DRAM1: variants seen among roughly 807,000 people sequenced by gnomAD.
The protein encoded by DRAM1 is DNA damage-regulated autophagy modulator protein 1.
In DRAM1, 25 loss-of-function variants were observed where a neutral mutation model predicts 28.5. The observed-to-expected ratio is 0.88, with a 90% CI of 0.64 to 1.23. The LOEUF is 1.23. DRAM1 is among the 50% of genes most tolerant of loss of function. The probability of loss-of-function intolerance (pLI) is 0.00; values close to 1 mark genes in which losing one functional copy is unlikely to be tolerated. For missense variants in DRAM1, 249 were observed against 299.2 expected (o/e 0.83, Z 1.24); for synonymous variants, 113 against 114.2 (o/e 0.99, Z 0.07).
At chr12:101,906,091 G>T (rs553591531) in intron 3 of DRAM1, among the ~76,000 whole-genome samples, 45 of 152,262 alleles carry the variant, frequency 3.0e-4, no homozygotes, top group African/African-American at 9.6e-4. Context: ...CCTGGCCCAT[G>T]CAAGGTATCT....
At chr12:101,890,749 A>AT (rs10616632) in intron 1 of DRAM1, among the ~76,000 whole-genome samples, 65 of 135,724 alleles carry the variant, frequency 4.8e-4, no homozygotes, top group South Asian at 9.2e-4. Flanking sequence ...CCGCCATTCT[A>AT]TTTTTTTTTT....
At chr12:101,897,817 G>A (rs1873443169) in intron 1 of DRAM1, 46 bp from the exon 2 acceptor site, 1 of 1,411,088 alleles carries the variant, frequency 7.1e-7, no homozygotes, top group Non-Finnish European at 1.0e-6. Context: ...CAGAGGTCTG[G>A]ACAGAATTTC....
At chr12:101,920,277 A>G in intron 6 of DRAM1, 76 bp downstream of exon 6, 1 of 962,294 alleles carries the variant, frequency 1.0e-6, no homozygotes. Context: ...GACATTTTGC[A>G]TTTTTAAAAA....
rs1872536531 is a variant in DRAM1, at chr12:101,877,732, G to A, written c.-58G>A. On this transcript the variant is annotated 5_prime_UTR_variant, in exon 1 of 7. Coordinates refer to ENST00000258534, the MANE Select transcript of DRAM1 (RefSeq NM_018370.3). The surrounding 1 kb of genome is among the most constrained non-coding windows in gnomAD (Gnocchi z 4.1). ...GGCCGCCGCCTCCAGGCAGCCCGGAGCAACCCGGCGCCCGGCCCCGCTGGG... is the reference window on the plus strand; with the variant it reads ...GGCCGCCGCCTCCAGGCAGCCCGGAACAACCCGGCGCCCGGCCCCGCTGGG... 7.5e-7 allele frequency: 1 copy of A among 1,336,302 alleles called. No homozygotes were observed. Among genetic ancestry groups the A allele is most frequent in the Middle Eastern group, 2.6e-4 (1 of 3,908 alleles). 82.8% of individuals were successfully genotyped at this position (1,336,302 alleles called of 1,614,324 possible).
intron 1 of DRAM1, among the ~76,000 whole-genome samples, chr12:101,884,369 C>CAAAAAA (rs777858309): frequency 1.3e-5 from 1 of 78,064 alleles, no homozygotes; most frequent in African/African-American, 4.9e-5. Flanking sequence ...TACCCTGTCT[C>CAAAAAA]AAAAAAAAAA....
chr12:101,887,710 GT>G (rs1272567713), intron 1 of DRAM1, among the ~76,000 whole-genome samples: 1 of 151,614 alleles, frequency 6.6e-6, no homozygotes, highest in African/African-American at 2.4e-5. Flanking sequence ...TTTTGTTTTT[GT>G]TTTTTTAGTA....
chr12:101,894,625 A>C (rs761875655), intron 1 of DRAM1, among the ~76,000 whole-genome samples: 2 of 152,100 alleles, frequency 1.3e-5, no homozygotes, highest in Non-Finnish European at 2.9e-5. Flanking sequence ...TTTTCAGATC[A>C]CGTGTTTGAT....
chr12:101,903,436 G>A (rs1303887221), intron 3 of DRAM1, among the ~76,000 whole-genome samples: 1 of 152,008 alleles, frequency 6.6e-6, no homozygotes, highest in East Asian at 1.9e-4. Context: ...AGTCACAGAG[G>A]GACAAATACC....
At chr12:101,908,478 C>A (rs145300358) in intron 4 of DRAM1, 115 bp downstream of exon 4, 27 of 1,094,302 alleles carry the variant, frequency 2.5e-5, no homozygotes, top group South Asian at 1.4e-4. Flanking sequence ...GACAGCAGGG[C>A]GGAGAGATTG....
chr12:101,904,471 T>TCGC (rs2121112115), intron 3 of DRAM1, among the ~76,000 whole-genome samples: 1 of 119,178 alleles, frequency 8.4e-6, no homozygotes, highest in East Asian at 2.9e-4. Flanking sequence ...AGACAGAGTC[T>TCGC]TGCTCTGTCA....
In DRAM1 at chr12:101,888,696, A is replaced by AT. The variant is rs561454986; in HGVS notation, c.132-9162dup. Among the ~76,000 whole-genome samples, 8 of 147,602 alleles carry AT rather than the reference A, an allele frequency of 5.4e-5. No individual in the cohort carries two copies. The East Asian group carries it at 1.6e-3, about 29-fold the overall frequency. The stretch of plus-strand genomic sequence containing the variant: ...CAGTGAATTAAGTAAAATTATGAAT[A>AT]TTTTTCTTCTATTTTTCCTTTTAAA... On this transcript the variant is annotated intron_variant, in intron 1 of 6. Transcript: ENST00000258534.
intron 3 of DRAM1, 30 bp downstream of exon 3, chr12:101,901,463 GA>G (rs1873603302): frequency 1.9e-6 from 3 of 1,610,754 alleles, no homozygotes; most frequent in Non-Finnish European, 1.7e-6. Flanking sequence ...CAGTTATGAG[GA>G]GTGGTGGAGT....
chr12:101,899,989 T>C (rs1252894749), intron 2 of DRAM1, among the ~76,000 whole-genome samples: 3 of 152,240 alleles, frequency 2.0e-5, no homozygotes, highest in East Asian at 3.8e-4. Context: ...AAAGGGAATA[T>C]GTATCTAAAA....
At chr12:101,918,651 C>G (rs961157389) in intron 5 of DRAM1, among the ~76,000 whole-genome samples, 15 of 152,224 alleles carry the variant, frequency 9.9e-5, no homozygotes, top group Non-Finnish European at 2.1e-4. Flanking sequence ...CATTTACTTA[C>G]CCTTGTAGCC....
chr12:101,921,335 T>A lies in DRAM1; in HGVS notation c.*75T>A. The stretch of plus-strand genomic sequence containing the variant: ...AAGTGCTACAGAGGACAGACAGGGT[T>A]TTGAGGCCACCCTGATTATTGGGAT... On this transcript the variant is annotated 3_prime_UTR_variant, in exon 7 of 7. Coordinates refer to ENST00000258534, the MANE Select transcript of DRAM1 (RefSeq NM_018370.3). The A allele has an allele frequency of 8.3e-7, 1 of 1,203,044 alleles. No individual in the cohort carries two copies. The highest frequency in any genetic ancestry group is 1.2e-6 in the Non-Finnish European group (1 of 807,988). 74.5% of individuals were successfully genotyped at this position (1,203,044 alleles called of 1,614,324 possible). A position where few individuals can be genotyped will look rare whatever the true frequency, so the allele number is the denominator to read the frequency against.
At chr12:101,893,103 T>A (rs1873201219) in intron 1 of DRAM1, among the ~76,000 whole-genome samples, 1 of 152,222 alleles carries the variant, frequency 6.6e-6, no homozygotes, top group Non-Finnish European at 1.5e-5. Flanking sequence ...AGAAAGGTTT[T>A]ACAATTATAG....
At chr12:101,886,292 T>C (rs1254032850) in intron 1 of DRAM1, among the ~76,000 whole-genome samples, 1 of 152,176 alleles carries the variant, frequency 6.6e-6, no homozygotes, top group Non-Finnish European at 1.5e-5. Flanking sequence ...ATGGCTCCAT[T>C]ATGTGTTCCA....
At chr12:101,891,056 C>G (rs1327925511) in intron 1 of DRAM1, among the ~76,000 whole-genome samples, 1 of 151,854 alleles carries the variant, frequency 6.6e-6, no homozygotes, top group Admixed American at 6.6e-5. Context: ...GCCTGCCCCC[C>G]ACATTCTAAA....
chr12:101,903,736 C>T (rs893426354), intron 3 of DRAM1, among the ~76,000 whole-genome samples: 2 of 151,944 alleles, frequency 1.3e-5, no homozygotes, highest in Non-Finnish European at 1.5e-5. Flanking sequence ...TGTTAATTAC[C>T]TTGATTTAAT....
Sources: gnomAD v4.1 joint callset for allele counts (sites outside exome capture counted in the v4.1 genomes callset) on GRCh38, gnomAD v4.1.1 for gene constraint, Gnocchi (gnomAD v3.1) non-coding constraint, MANE v1.5 for transcripts, NCBI Gene and HGNC (gene_info 2026-07-23, HGNC 2026-07-21) for gene names.